NRDE2: variants seen among roughly 807,000 people sequenced by gnomAD.
NRDE2 encodes the protein NRDE-2, necessary for RNA interference, domain containing.
Under a neutral mutation model 124.2 loss-of-function variants are expected in NRDE2, and 76 were observed. The observed-to-expected ratio is 0.61, with a 90% CI of 0.51 to 0.74. NRDE2 has a LOEUF of 0.74. NRDE2 is among the 30% of genes least tolerant of loss of function. The pLI is 0.00. For synonymous variants in NRDE2, 489 were observed against 528.1 expected, an observed-to-expected ratio of 0.93 and a Z score of 1.01; for missense variants, 1,314 against 1,417.3, an observed-to-expected ratio of 0.93 and a Z score of 1.17.
intron 8 of NRDE2, among the ~76,000 whole-genome samples, chr14:90,297,249 C>G (rs937615142): frequency 6.6e-6 from 1 of 151,684 alleles, no homozygotes; most frequent in African/African-American, 2.4e-5. Context: ...ATGCAAAATA[C>G]CTAGTTAATA....
At chr14:90,330,468 TAC>T (rs1382805993) in intron 1 of NRDE2, among the ~76,000 whole-genome samples, 1 of 152,140 alleles carries the variant, frequency 6.6e-6, no homozygotes, top group African/African-American at 2.4e-5. Context: ...TGATAGAGAT[TAC>T]AGTCTAGTAA....
At chr14:90,300,240 C>T (rs999972440) in intron 7 of NRDE2, among the ~76,000 whole-genome samples, 1 of 152,156 alleles carries the variant, frequency 6.6e-6, no homozygotes. Context: ...GTAGTACAGC[C>T]TATTCTTAAA....
At position 90,284,164 on chromosome 14, in the gene NRDE2, C is replaced by G. The variant is rs372662867; in HGVS notation, c.3297+2190G>C. 1.1e-4 allele frequency among the ~76,000 whole-genome samples: 17 copies of G among 152,138 alleles called. No individual in the cohort carries two copies. In the South Asian group the frequency reaches 3.5e-3, roughly 32 times the overall value. The stretch of plus-strand genomic sequence containing the variant: ...CTTCCAGAGGTCAGAGAGACACACC[C>G]GATGAATTCTGGAATCAAAGACAGG... On this transcript the variant is annotated intron_variant, in intron 12 of 13. Transcript: ENST00000354366.
Position 90,318,249 on chromosome 14 carries a change from G to A in NRDE2, c.65-136C>T, listed in dbSNP as rs1885118640. On this transcript the variant is annotated intron_variant, in intron 1 of 13. Transcript: ENST00000354366. ...AGACGTTTTGAACAGTCAGTCCAAA[G>A]TCCACAGAAGCTGAACAGAATCCAT... 6.4e-6 allele frequency: 4 copies of A among 627,996 alleles called. No homozygotes were observed. The South Asian group carries it at 8.4e-5, about 13-fold the overall frequency. 38.9% of individuals were successfully genotyped at this position (627,996 alleles called of 1,614,324 possible).
chr14:90,307,209 C>T (rs973344665), intron 4 of NRDE2, among the ~76,000 whole-genome samples: 1 of 152,154 alleles, frequency 6.6e-6, no homozygotes, highest in African/African-American at 2.4e-5. Context: ...AAAGCATCTC[C>T]TCATACCATT....
chr14:90,287,033 CAAAAAAAA>C (rs60863011), intron 11 of NRDE2, among the ~76,000 whole-genome samples: 14 of 23,814 alleles, frequency 5.9e-4, no homozygotes, highest in South Asian at 3.9e-3. Flanking sequence ...GACTCCGTCT[CAAAAAAAA>C]AAAAAAAAAA....
In NRDE2 at chr14:90,277,551, T is replaced by C. The variant is rs1891830361; in HGVS notation, c.*785A>G. On this transcript the variant is annotated 3_prime_UTR_variant, in exon 14 of 14. Coordinates refer to ENST00000354366, the MANE Select transcript of NRDE2 (RefSeq NM_017970.4). ...AGAACCAGGCCAGCCTTGGCCTTCA[T>C]AGTGTAAGCAGCGTTGCTGCACAAG... The C allele has an allele frequency of 6.6e-6, 1 of 152,288 alleles. No homozygotes were observed. The highest frequency in any genetic ancestry group is 6.5e-5 in the Admixed American group (1 of 15,290). 9.4% of individuals were successfully genotyped at this position (152,288 alleles called of 1,614,324 possible).
chr14:90,286,649 T>C (rs991149818), intron 11 of NRDE2, among the ~76,000 whole-genome samples, 157 bp from the exon 12 acceptor site: 1 of 152,188 alleles, frequency 6.6e-6, no homozygotes, highest in Non-Finnish European at 1.5e-5. Flanking sequence ...TGTATGGGGC[T>C]TCTCCAAGGC....
intron 7 of NRDE2, among the ~76,000 whole-genome samples, chr14:90,300,974 CAGAG>C (rs1009080195): frequency 1.9e-4 from 27 of 143,532 alleles, no homozygotes; most frequent in African/African-American, 6.5e-4. Flanking sequence ...GGTGAGTCCT[CAGAG>C]AGCCTTTATG....
chr14:90,304,213 T>C lies in NRDE2; in HGVS notation c.727A>G (p.Thr243Ala), dbSNP rs753822797. The part of the protein sequence containing the change: ...NIDGVAISSK[T>A]EPPSSEPISF... ...ATGGGCTCAGATGAGGGAGGTTCAG[T>C]TTTACTGCTAATGGCAACTCCATCG... is the stretch of plus-strand genomic sequence containing the variant. The change falls in exon 5 of 14, where the codon ACT becomes GCT. Residue 243 changes from threonine (T) to alanine (A), a missense_variant. Thr to Ala is a moderately conservative substitution (Grantham distance 58, BLOSUM62 0). Transcript: ENST00000354366. The C allele has an allele frequency of 6.2e-7, 1 of 1,614,114 alleles. No individual in the cohort carries two copies. The highest frequency in any genetic ancestry group is 1.3e-5 in the African/African-American group (1 of 75,032).
At chr14:90,305,819 C>T (rs1489488224) in intron 4 of NRDE2, among the ~76,000 whole-genome samples, 6 of 152,140 alleles carry the variant, frequency 3.9e-5, no homozygotes, top group South Asian at 2.1e-4. Flanking sequence ...AAACTTCTGG[C>T]GGTCAGAGTA....
chr14:90,310,537 T>C (rs1884794938), intron 4 of NRDE2, among the ~76,000 whole-genome samples: 1 of 135,900 alleles, frequency 7.4e-6, no homozygotes, highest in African/African-American at 2.8e-5. Flanking sequence ...TTTTTTTTTT[T>C]TGAGACAGAG....
chr14:90,275,299 T>C lies in NRDE2; in HGVS notation c.*3037A>G, dbSNP rs1891779400. The C allele has an allele frequency of 6.6e-6, 1 of 152,186 alleles. No homozygotes were observed. The highest frequency in any genetic ancestry group is 2.1e-4 in the South Asian group (1 of 4,822). 9.4% of individuals were successfully genotyped at this position (152,186 alleles called of 1,614,324 possible). A position where few individuals can be genotyped will look rare whatever the true frequency, so the allele number is the denominator to read the frequency against. ...GAGTACTGCGTCCATGCTGACTTCCTGTTCAGTGTCTGTATCGTGGGCGGG... is the reference window on the plus strand; with the variant it reads ...GAGTACTGCGTCCATGCTGACTTCCCGTTCAGTGTCTGTATCGTGGGCGGG... On this transcript the variant is annotated 3_prime_UTR_variant, in exon 14 of 14. Transcript: ENST00000354366.
chr14:90,285,954 AC>A (rs1238043541), intron 12 of NRDE2, among the ~76,000 whole-genome samples: 20 of 152,166 alleles, frequency 1.3e-4, no homozygotes, highest in African/African-American at 4.8e-4. Flanking sequence ...TAATAACAAA[AC>A]AATCAGGACC....
Position 90,303,950 on chromosome 14 carries a change from T to C in NRDE2, c.990A>G (p.Ala330=), listed in dbSNP as rs1219810903. 4 of 1,607,058 alleles carry C rather than the reference T, an allele frequency of 2.5e-6. No individual in the cohort carries two copies. The highest frequency in any genetic ancestry group is 1.3e-5 in the African/African-American group (1 of 74,794). The part of the protein sequence containing the change: ...ENPRDTQLWM[A]FVAFQDEVMK... The stretch of plus-strand genomic sequence containing the variant: ...CAACACATACCTGAAAAGCAACAAA[T>C]GCCATCCACAGCTGCGTATCCCGAG... The change falls in exon 5 of 14, where the codon GCA becomes GCG. Residue 330 remains alanine (A), a synonymous_variant. Coordinates refer to ENST00000354366, the MANE Select transcript of NRDE2 (RefSeq NM_017970.4).
In NRDE2 at chr14:90,271,253, T is replaced by C. The variant is rs1354348950; in HGVS notation, c.*7083A>G. On this transcript the variant is annotated 3_prime_UTR_variant, in exon 14 of 14. Transcript: ENST00000354366. The stretch of plus-strand genomic sequence containing the variant: ...CACCAAACAAACTTCTGTGCCAGGA[T>C]TGTGTTTTTTGCCACATCTTGTTTT... 2.0e-5 allele frequency: 3 copies of C among 152,222 alleles called. No homozygotes were observed. Among genetic ancestry groups the C allele is most frequent in the African/African-American group, 7.2e-5 (3 of 41,452 alleles). The allele number at this position is 152,222 out of a possible 1,614,324, so 9.4% of individuals were successfully genotyped here. A position where few individuals can be genotyped will look rare whatever the true frequency, so the allele number is the denominator to read the frequency against.
intron 8 of NRDE2, among the ~76,000 whole-genome samples, chr14:90,294,657 A>C (rs1892360605): frequency 6.6e-6 from 1 of 152,084 alleles, no homozygotes; most frequent in Non-Finnish European, 1.5e-5. Context: ...CAGAAAGTAG[A>C]ATGACTGCTG....
At chr14:90,330,226 T>TAAATAAATAAA (rs1566705577) in intron 1 of NRDE2, among the ~76,000 whole-genome samples, 9 of 150,770 alleles carry the variant, frequency 6.0e-5, no homozygotes, top group Admixed American at 2.6e-4. Context: ...AATAAATAAA[T>TAAATAAATAAA]AAATAAATAA....
At chr14:90,319,653 G>A (rs1277913409) in intron 1 of NRDE2, among the ~76,000 whole-genome samples, 1 of 152,172 alleles carries the variant, frequency 6.6e-6, no homozygotes, top group Non-Finnish European at 1.5e-5. Context: ...ATGCTGTAGT[G>A]TGTATCACTA....
Sources: gnomAD v4.1 joint callset for allele counts (sites outside exome capture counted in the v4.1 genomes callset) on GRCh38, gnomAD v4.1.1 for gene constraint, MANE v1.5 for transcripts, NCBI Gene and HGNC (gene_info 2026-07-23, HGNC 2026-07-21) for gene names.